Variants in KCNN1 observed in about 807,000 individuals in gnomAD.
KCNN1 encodes the protein small conductance calcium-activated potassium channel protein 1.
A neutral mutation model predicts 44.7 loss-of-function variants in KCNN1; 20 were observed. The observed-to-expected ratio is 0.45, with a 90% CI of 0.32 to 0.65. KCNN1 has a LOEUF of 0.65. Ranked by LOEUF, KCNN1 falls within the 30% of genes least tolerant of loss-of-function variation. The pLI, the probability that KCNN1 is intolerant of heterozygous loss-of-function variation, is 0.05. For missense variants in KCNN1, 632 were observed against 785.3 expected, an observed-to-expected ratio of 0.80 and a Z score of 2.33; for synonymous variants, 324 against 341.7, an observed-to-expected ratio of 0.95 and a Z score of 0.57.
chr19:17,979,512 G>A (rs2032325494), intron 3 of KCNN1, among the ~76,000 whole-genome samples: 1 of 121,830 alleles, frequency 8.2e-6, no homozygotes, highest in Admixed American at 1.0e-4. Flanking sequence ...AGCAGGACCC[G>A]GTCTCAAAAA....
At chr19:17,965,430 G>C (rs982984815), upstream of KCNN1, among the ~76,000 whole-genome samples, 1 of 152,118 alleles carries the variant, frequency 6.6e-6, no homozygotes, top group Non-Finnish European at 1.5e-5. Flanking sequence ...GTGGTTCAGG[G>C]ATGTGCCCAA....
intron 9 of KCNN1, among the ~76,000 whole-genome samples, chr19:17,997,602 C>T (rs1009395077): frequency 6.6e-6 from 1 of 152,206 alleles, no homozygotes; most frequent in Non-Finnish European, 1.5e-5. Context: ...CCTCATCCCC[C>T]CCGAGTAGCG....
In KCNN1 at chr19:17,993,835, G is replaced by A. The variant is rs185737760; in HGVS notation, c.1377+276G>A. ...TGAGGGAGGAGAATCGCTTGAACTT[G>A]GGGGGTTGAGGCTGCAGTGAGCCGA... On this transcript the variant is annotated intron_variant, in intron 9 of 9. Transcript: ENST00000684775. The surrounding 1 kb of genome is among the most constrained non-coding windows in gnomAD (Gnocchi z 4.5). Among the ~76,000 whole-genome samples the A allele has an allele frequency of 6.6e-6, 1 of 152,074 alleles. No individual in the cohort carries two copies. The highest frequency in any genetic ancestry group is 2.4e-5 in the African/African-American group (1 of 41,422).
rs1224514282 is a variant in KCNN1 at position 17,999,544 on chromosome 19, TGGGGACGTCAGGAGGA to T, written c.*1143_*1158del. The T allele has an allele frequency of 6.3e-6, 1 of 158,802 alleles. No individual in the cohort carries two copies. Among genetic ancestry groups the T allele is most frequent in the Non-Finnish European group, 1.4e-5 (1 of 71,502 alleles). 9.8% of individuals were successfully genotyped at this position (158,802 alleles called of 1,614,324 possible). Reference sequence around the variant, plus strand: ...TGGAAGGGACTCCATGGAGGAGCCATGGGGACGTCAGGAGGAGGGGTTATTTGGTGACATCCAGGGG... The same window carrying T: ...TGGAAGGGACTCCATGGAGGAGCCATGGGGTTATTTGGTGACATCCAGGGG... On this transcript the variant is annotated 3_prime_UTR_variant, in exon 10 of 10. Transcript: ENST00000684775.
At chr19:17,967,412 T>G in intron 1 of KCNN1, 95 bp downstream of exon 1, 26 of 660,696 alleles carry the variant, frequency 3.9e-5, no homozygotes, top group South Asian at 6.8e-5. Context: ...GGACGCGGTT[T>G]GGGGCAGGGG....
Position 17,998,417 on chromosome 19 carries a change from C to T in KCNN1, c.*11C>T, listed in dbSNP as rs773383935. The T allele has an allele frequency of 1.5e-5, 22 of 1,464,810 alleles. No individual in the cohort carries two copies. Among genetic ancestry groups the T allele is most frequent in the African/African-American group, 2.8e-5 (2 of 70,698 alleles). 90.7% of individuals were successfully genotyped at this position (1,464,810 alleles called of 1,614,324 possible). A position where few individuals can be genotyped will look rare whatever the true frequency, so the allele number is the denominator to read the frequency against. ...TCGGACTGCGGGTGACGGCCCTGCC[C>T]GCCACCAGACCCCTAAATCTTGGCC... On this transcript the variant is annotated 3_prime_UTR_variant, in exon 10 of 10. Transcript: ENST00000684775. This position sits in a 1 kb window ranked among gnomAD's most constrained non-coding sequence, Gnocchi z 5.4.
At chr19:17,986,087 C>A (rs149876197) in intron 5 of KCNN1, among the ~76,000 whole-genome samples, 35 of 152,176 alleles carry the variant, frequency 2.3e-4, no homozygotes, top group Non-Finnish European at 4.4e-4. Flanking sequence ...CAAAAATAGC[C>A]GGGAGTGGTG....
upstream of KCNN1, among the ~76,000 whole-genome samples, chr19:17,963,699 T>C (rs1431119131): frequency 6.6e-6 from 1 of 151,990 alleles, no homozygotes; most frequent in Admixed American, 6.6e-5. Flanking sequence ...TCAACTTTTT[T>C]GGATCTCTTC....
chr19:17,960,358 G>T lies in KCNN1; in HGVS notation c.-82+5677G>T, dbSNP rs374879707. On this transcript the variant is annotated intron_variant, in intron 2 of 10. Transcript: ENST00000222249. ...CAACCACACAAAGTTGGCCAGGCGG[G>T]GTGGCTCACGGCTGTAATCCTAGCA... Among the ~76,000 whole-genome samples the T allele has an allele frequency of 1.5e-3, 222 of 152,240 alleles. 8 individuals carry two copies. The South Asian group carries it at 0.045, about 31-fold the overall frequency.
chr19:17,976,585 A>ATT (rs1253088744), intron 3 of KCNN1, among the ~76,000 whole-genome samples: 1 of 151,498 alleles, frequency 6.6e-6, no homozygotes, highest in African/African-American at 2.4e-5. Context: ...CACCCAGCTA[A>ATT]TTTTGTATTT....
chr19:17,965,860 C>T (rs1384431193), upstream of KCNN1, among the ~76,000 whole-genome samples: 1 of 152,098 alleles, frequency 6.6e-6, no homozygotes, highest in Admixed American at 6.6e-5. Flanking sequence ...TTGTGCAGAG[C>T]AGTCTGGACA....
intron 5 of KCNN1, among the ~76,000 whole-genome samples, chr19:17,988,180 A>G (rs1367665307): frequency 6.7e-6 from 1 of 148,588 alleles, no homozygotes; most frequent in African/African-American, 2.5e-5. Flanking sequence ...AAAAAAAAGA[A>G]TCGTCCTACC....
At chr19:17,978,834 C>T (rs2032298346) in intron 3 of KCNN1, among the ~76,000 whole-genome samples, 1 of 151,250 alleles carries the variant, frequency 6.6e-6, no homozygotes, top group South Asian at 2.1e-4. Context: ...GCAGGAGGAT[C>T]ACTCGAGCAC....
chr19:17,951,540 C>T (rs1310234823), intron 1 of KCNN1: 1 of 152,306 alleles, frequency 6.6e-6, no homozygotes. Flanking sequence ...CCGCGAGCCA[C>T]ATTGTTCTAA....
rs1568462460 is a variant in KCNN1 at position 17,998,134 on chromosome 19, C to T, written c.1378-18C>T. 9 of 1,568,702 alleles carry T rather than the reference C, an allele frequency of 5.7e-6. No individual in the cohort carries two copies. In the South Asian group the frequency reaches 8.2e-5, roughly 14 times the overall value. ...CACTCAGCGGCGCCTCTCTCCTGCC[C>T]CTCTCTGTCTCCCGCAGACCCAGAC... is the stretch of plus-strand genomic sequence containing the variant. On this transcript the variant is annotated intron_variant, in intron 9 of 9. Coordinates refer to ENST00000684775, the MANE Select transcript of KCNN1 (RefSeq NM_001386974.1). The surrounding 1 kb of genome is among the most constrained non-coding windows in gnomAD (Gnocchi z 5.4).
chr19:17,961,188 A>T (rs1490998966), intron 2 of KCNN1, among the ~76,000 whole-genome samples: 29 of 149,186 alleles, frequency 1.9e-4, no homozygotes, highest in Admixed American at 4.7e-4. Context: ...TCTGACTCAA[A>T]AAAAAAAAAA....
chr19:17,975,010 CG>C, intron 2 of KCNN1, 81 bp from the exon 3 acceptor site: 1 of 1,074,562 alleles, frequency 9.3e-7, no homozygotes. Flanking sequence ...CTCCCATGCC[CG>C]GGAGCCAGGG....
intron 1 of KCNN1, chr19:17,952,403 T>A (rs1390995644): frequency 6.6e-6 from 1 of 152,014 alleles, no homozygotes; most frequent in East Asian, 1.9e-4. Context: ...TTCTCTTTGG[T>A]GGGCGGATTG....
intron 9 of KCNN1, among the ~76,000 whole-genome samples, chr19:17,995,346 G>C (rs1467543287): frequency 1.3e-5 from 2 of 151,886 alleles, no homozygotes; most frequent in Non-Finnish European, 2.9e-5. Context: ...GCTAATTTTT[G>C]TATTTTTTGT....
Sources: allele counts gnomAD v4.1 joint callset (sites outside exome capture counted in the v4.1 genomes callset), GRCh38; gene constraint gnomAD v4.1.1; non-coding constraint Gnocchi (gnomAD v3.1); transcripts MANE v1.5; gene names NCBI Gene and HGNC (gene_info 2026-07-23, HGNC 2026-07-21).